Variants in MRE11 observed in about 807,000 individuals in gnomAD.
The protein encoded by MRE11 is MRE11 double strand break repair nuclease.
A neutral mutation model predicts 91.7 loss-of-function variants in MRE11; 62 were observed. The observed-to-expected ratio is 0.68, with a 90% CI of 0.55 to 0.84. The LOEUF (loss-of-function observed/expected upper bound fraction) is 0.84, where lower values mean the gene tolerates loss of function less well. Ranked by LOEUF, MRE11 falls within the 40% of genes least tolerant of loss-of-function variation. The pLI is 0.00. For missense variants in MRE11, 796 were observed against 852.9 expected, an observed-to-expected ratio of 0.93 and a Z score of 0.83; for synonymous variants, 273 against 271.4, an observed-to-expected ratio of 1.01 and a Z score of -0.06.
chr11:94,452,738 G>C (rs1192823466), intron 14 of MRE11, among the ~76,000 whole-genome samples: 3 of 152,116 alleles, frequency 2.0e-5, no homozygotes, highest in Non-Finnish European at 4.4e-5. Flanking sequence ...CATGAGTGCA[G>C]GTCTAGAGCC....
the MRE11 span, among the ~76,000 whole-genome samples, chr11:94,505,705 C>T: frequency 5.1e-3 from 743 of 146,852 alleles, 7 homozygotes; most frequent in African/African-American, 0.017. Flanking sequence ...TCTATAGTAG[C>T]GTTTGGTAAT....
the MRE11 span, among the ~76,000 whole-genome samples, chr11:94,510,581 A>G: frequency 6.6e-6 from 1 of 152,230 alleles, no homozygotes; most frequent in African/African-American, 2.4e-5. Flanking sequence ...ATAAACCCAT[A>G]TTAGGTAAGG....
intron 9 of MRE11, among the ~76,000 whole-genome samples, chr11:94,468,354 G>A: frequency 6.6e-6 from 1 of 152,174 alleles, no homozygotes; most frequent in South Asian, 2.1e-4. Context: ...CTCATACTCT[G>A]AGAGGATAAG....
At chr11:94,439,383 C>T (rs1945713889) in intron 16 of MRE11, among the ~76,000 whole-genome samples, 1 of 152,106 alleles carries the variant, frequency 6.6e-6, no homozygotes, top group Admixed American at 6.5e-5. Context: ...TGGAGGTAAT[C>T]AGTTAAGTTA....
rs116922221 is a variant in MRE11 at position 94,432,447 on chromosome 11, C to T, written c.1995-2461G>A. Among the ~76,000 whole-genome samples, 652 of 152,298 alleles carry T rather than the reference C, an allele frequency of 4.3e-3. 3 individuals are homozygous for T. The highest frequency in any genetic ancestry group is 0.01 in the Middle Eastern group (3 of 294). On this transcript the variant is annotated intron_variant, in intron 18 of 19. Transcript: ENST00000323929. ...CTCTGCCTTCTTTTTTGAGGTGATC[C>T]TATCCATCCCAATGGTTTTAAGTAC... is the stretch of plus-strand genomic sequence containing the variant.
At chr11:94,437,153 C>T in intron 17 of MRE11, 24 bp downstream of exon 17, 1 of 1,593,362 alleles carries the variant, frequency 6.3e-7, no homozygotes, top group South Asian at 1.1e-5. Flanking sequence ...TATTAATACA[C>T]AACCATAAAA....
At chr11:94,458,499 T>C (rs1946322756) in intron 13 of MRE11, among the ~76,000 whole-genome samples, 1 of 152,162 alleles carries the variant, frequency 6.6e-6, no homozygotes, top group South Asian at 2.1e-4. Context: ...ACATTTATTG[T>C]ATCAAAACAT....
At chr11:94,448,967 T>A (rs1946022261) in intron 14 of MRE11, among the ~76,000 whole-genome samples, 1 of 152,214 alleles carries the variant, frequency 6.6e-6, no homozygotes, top group Non-Finnish European at 1.5e-5. Context: ...GATAAATATT[T>A]GACCTAGCTA....
chr11:94,492,073 C>T (rs79291242), intron 2 of MRE11, among the ~76,000 whole-genome samples: 4 of 152,118 alleles, frequency 2.6e-5, no homozygotes, highest in Non-Finnish European at 5.9e-5. Flanking sequence ...GGTCACACAG[C>T]TAGTAGGGTC....
chr11:94,421,393 T>C (rs1261664318), intron 19 of MRE11, among the ~76,000 whole-genome samples: 3 of 152,244 alleles, frequency 2.0e-5, no homozygotes, highest in African/African-American at 7.2e-5. Context: ...TTTTCATTTA[T>C]TGATTCATTT....
chr11:94,447,536 A>T, intron 14 of MRE11, 98 bp from the exon 15 acceptor site: 1 of 1,235,088 alleles, frequency 8.1e-7, no homozygotes, highest in Non-Finnish European at 1.2e-6. Context: ...CATACTATAA[A>T]AACATAAAGG....
chr11:94,480,192 CT>C (rs1946979010), intron 4 of MRE11, among the ~76,000 whole-genome samples: 1 of 152,196 alleles, frequency 6.6e-6, no homozygotes, highest in African/African-American at 2.4e-5. Context: ...CTGTCAGCCC[CT>C]GCCCCCAGCC....
chr11:94,512,205 T>C, the MRE11 span, among the ~76,000 whole-genome samples: 20 of 152,200 alleles, frequency 1.3e-4, no homozygotes, highest in African/African-American at 4.6e-4. Context: ...TATGAGGCCT[T>C]ATGCAGTTTC....
intron 14 of MRE11, among the ~76,000 whole-genome samples, chr11:94,448,765 A>G (rs769727337): frequency 1.3e-5 from 2 of 152,198 alleles, no homozygotes; most frequent in Non-Finnish European, 2.9e-5. Flanking sequence ...ACTGCACTCC[A>G]GCCTGGCAAC....
At chr11:94,437,777 T>C (rs1460743290) in intron 16 of MRE11, among the ~76,000 whole-genome samples, 3 of 152,234 alleles carry the variant, frequency 2.0e-5, no homozygotes, top group African/African-American at 7.2e-5. Context: ...CTTGGTTAGA[T>C]ACTTGAAGTT....
chr11:94,432,964 A>G (rs984675961), intron 18 of MRE11, among the ~76,000 whole-genome samples: 2 of 152,218 alleles, frequency 1.3e-5, no homozygotes, highest in African/African-American at 4.8e-5. Flanking sequence ...TATGCCTATC[A>G]TTCCCTACAA....
intron 14 of MRE11, 95 bp from the exon 15 acceptor site, chr11:94,447,533 T>C (rs985638548): frequency 1.8e-5 from 22 of 1,245,012 alleles, no homozygotes; most frequent in Non-Finnish European, 2.4e-5. Context: ...AATCATACTA[T>C]AAAAACATAA....
At chr11:94,491,883 A>G (rs1489035888) in intron 2 of MRE11, among the ~76,000 whole-genome samples, 1 of 121,256 alleles carries the variant, frequency 8.2e-6, no homozygotes, top group Non-Finnish European at 1.7e-5. Flanking sequence ...GATATATCCA[A>G]GAAGGTAGGT....
intron 15 of MRE11, among the ~76,000 whole-genome samples, chr11:94,446,756 A>T (rs1945942784): frequency 6.6e-6 from 1 of 152,234 alleles, no homozygotes; most frequent in African/African-American, 2.4e-5. Context: ...TTTCTTTCTT[A>T]AACTGACTTT....
Sources: gnomAD v4.1 joint callset for allele counts (sites outside exome capture counted in the v4.1 genomes callset) on GRCh38, gnomAD v4.1.1 for gene constraint, MANE v1.5 for transcripts, NCBI Gene and HGNC (gene_info 2026-07-23, HGNC 2026-07-21) for gene names.